CHD4: variants seen among roughly 807,000 people sequenced by gnomAD.
The protein encoded by CHD4 is ATP-dependent chromatin remodeler CHD4.
CHD4 carries 35 observed loss-of-function variants against 235.5 expected under a neutral mutation model. That is an observed-to-expected ratio of 0.15 (90% confidence interval 0.11 to 0.20). CHD4 has a LOEUF of 0.20. Among genes scored for constraint, CHD4 ranks in the 10% least tolerant of loss-of-function variants. The pLI is 1.00. For missense variants in CHD4, 1,329 were observed against 2,432.3 expected (o/e 0.55, Z 9.54); for synonymous variants, 900 against 850.2 (o/e 1.06, Z -1.02).
At chr12:6,583,440 G>C (rs1041081630) in intron 25 of CHD4, 62 bp from the exon 26 acceptor site, 92 of 1,424,886 alleles carry the variant, frequency 6.5e-5, no homozygotes, top group Non-Finnish European at 8.7e-5. Context: ...GCTACCCCTG[G>C]TCCTCACAGT....
chr12:6,576,151 GA>G, intron 37 of CHD4, among the ~76,000 whole-genome samples: 1 of 152,114 alleles, frequency 6.6e-6, no homozygotes, highest in South Asian at 2.1e-4. Flanking sequence ...GAGGTCAAGA[GA>G]TCGAGACCAT....
rs1191330689 is a variant in CHD4 at position 6,600,881 on chromosome 12, T to C, written c.927+45A>G. 3.3e-6 allele frequency: 5 copies of C among 1,535,550 alleles called. No homozygotes were observed. The South Asian group carries it at 3.9e-5, about 12-fold the overall frequency. Reference sequence around the variant, plus strand: ...TTCTGATAGAAGGTCACATCCTTTCTATTAGACATGGCACCCTCCCTAAAG... The same window carrying C: ...TTCTGATAGAAGGTCACATCCTTTCCATTAGACATGGCACCCTCCCTAAAG... On this transcript the variant is annotated intron_variant, in intron 7 of 39. Transcript: ENST00000544040.
At chr12:6,606,787 G>A (rs938820864) in intron 1 of CHD4, 48 of 153,354 alleles carry the variant, frequency 3.1e-4, no homozygotes, top group Non-Finnish European at 5.6e-4. Context: ...GCGGCGAGGC[G>A]CTCGGGGACA....
chr12:6,602,315 C>T (rs1948611247), intron 3 of CHD4, 61 bp downstream of exon 3: 9 of 1,608,782 alleles, frequency 5.6e-6, no homozygotes, highest in South Asian at 2.2e-5. Flanking sequence ...AGCCCTTCAA[C>T]CCTTCTCAGA....
At position 6,570,322 on chromosome 12, in the gene CHD4, C is replaced by T. The variant is rs1422834837; in HGVS notation, c.*354G>A. 2 of 309,028 alleles carry T rather than the reference C, an allele frequency of 6.5e-6. No homozygotes were observed. The highest frequency in any genetic ancestry group is 5.9e-5 in the East Asian group (1 of 16,952). The allele number at this position is 309,028 out of a possible 1,614,324, so 19.1% of individuals were successfully genotyped here. A position where few individuals can be genotyped will look rare whatever the true frequency, so the allele number is the denominator to read the frequency against. On this transcript the variant is annotated 3_prime_UTR_variant, in exon 40 of 40. Coordinates refer to ENST00000544040, the MANE Select transcript of CHD4 (RefSeq NM_001273.5). The stretch of plus-strand genomic sequence containing the variant: ...GAAAAGAAAACACAAAATAAACCAA[C>T]AAAATAAAACCAAAAGGAGGAAAAA...
Position 6,598,106 on chromosome 12 carries a change from G to A in CHD4, c.1687-7C>T. 1 of 1,614,030 alleles carries A rather than the reference G, an allele frequency of 6.2e-7. No individual in the cohort carries two copies. The highest frequency in any genetic ancestry group is 8.5e-7 in the Non-Finnish European group (1 of 1,179,994). On this transcript the variant is annotated splice_polypyrimidine_tract_variant and splice_region_variant and intron_variant, in intron 11 of 39. Transcript: ENST00000544040. ...CCTGACAGTGCAGCTCCAGCTTTGA[G>A]CGGAAAGAGAAAATCAGCCACCAAG...
At position 6,581,511 on chromosome 12, in the gene CHD4, T is replaced by C. The variant is rs755755550; in HGVS notation, c.4682-123A>G. 35 of 1,518,820 alleles carry C rather than the reference T, an allele frequency of 2.3e-5. No individual in the cohort carries two copies. In the South Asian group the frequency reaches 3.7e-4, roughly 16 times the overall value. 94.1% of individuals were successfully genotyped at this position (1,518,820 alleles called of 1,614,324 possible). A position where few individuals can be genotyped will look rare whatever the true frequency, so the allele number is the denominator to read the frequency against. ...TGCCTTTAAGAGCCAGCCCTATTCTTAGGACGGCCCTCCTAAACTGAGAGG... is the reference window on the plus strand; with the variant it reads ...TGCCTTTAAGAGCCAGCCCTATTCTCAGGACGGCCCTCCTAAACTGAGAGG... On this transcript the variant is annotated intron_variant, in intron 31 of 39. Transcript: ENST00000544040.
At chr12:6,586,356 G>A (rs1035029204) in intron 25 of CHD4, among the ~76,000 whole-genome samples, 7 of 151,828 alleles carry the variant, frequency 4.6e-5, no homozygotes, top group Non-Finnish European at 7.4e-5. Flanking sequence ...AGCCAAGATC[G>A]CACCACTGCA....
intron 14 of CHD4, 53 bp from the exon 15 acceptor site, chr12:6,594,703 C>T: frequency 6.6e-7 from 1 of 1,515,520 alleles, no homozygotes; most frequent in South Asian, 1.2e-5. Context: ...CCCTCCTCCC[C>T]TAATAGAGCA....
Position 6,570,712 on chromosome 12 carries a change from G to GGAGTC in CHD4, c.5722-24_5722-20dup. ...GGGCTACCTAGAGAAGGAGACCCGA[G>GGAGTC]GAGTCAGAATTCCAGATGATAGGAA... On this transcript the variant is annotated intron_variant, in intron 39 of 39. Transcript: ENST00000544040. 6.2e-7 allele frequency: 1 copy of GGAGTC among 1,614,114 alleles called. No homozygotes were observed. The highest frequency in any genetic ancestry group is 8.5e-7 in the Non-Finnish European group (1 of 1,180,004).
chr12:6,596,891 G>A (rs1217016181), intron 12 of CHD4, among the ~76,000 whole-genome samples: 4 of 150,810 alleles, frequency 2.7e-5, no homozygotes, highest in East Asian at 1.9e-4. Flanking sequence ...CCTGAGAGGC[G>A]GAGGTTGCAG....
At chr12:6,583,657 C>A in intron 25 of CHD4, 1 of 373,238 alleles carries the variant, frequency 2.7e-6, no homozygotes, top group Non-Finnish European at 4.8e-6. Flanking sequence ...TCTTCTAACC[C>A]CTTGCACTGA....
Position 6,592,413 on chromosome 12 carries a change from C to A in CHD4, c.2928G>T (p.Val976=), listed in dbSNP as rs765946884. Residue 976 remains valine (V), a synonymous_variant, in exon 19 of 40, where the codon GTG becomes GTT. Coordinates refer to ENST00000544040, the MANE Select transcript of CHD4 (RefSeq NM_001273.5). ...MPSKTELIVR[V]ELSPMQKKYY... ...CTCACTTCTGCATAGGGCTCAGCTC[C>A]ACACGCACAATTAGTTCTGTCTTGG... 6.3e-7 allele frequency: 1 copy of A among 1,595,300 alleles called. No individual in the cohort carries two copies. Among genetic ancestry groups the A allele is most frequent in the East Asian group, 2.3e-5 (1 of 44,422 alleles).
At position 6,593,391 on chromosome 12, in the gene CHD4, G is replaced by T; in HGVS notation, c.2514+25C>A. 1 of 1,610,630 alleles carries T rather than the reference G, an allele frequency of 6.2e-7. No individual in the cohort carries two copies. Among genetic ancestry groups the T allele is most frequent in the Non-Finnish European group, 8.5e-7 (1 of 1,177,226 alleles). On this transcript the variant is annotated intron_variant, in intron 16 of 39. Transcript: ENST00000544040. This position sits in a 1 kb window ranked among gnomAD's most constrained non-coding sequence, Gnocchi z 4.9. ...GCCAGAAGCCACAACTCTTTCTCTA[G>T]GGTGGCTTCCCTCCCCTGAGATACC...
At chr12:6,577,000 G>T (rs1481150725) in intron 37 of CHD4, among the ~76,000 whole-genome samples, 7 of 151,520 alleles carry the variant, frequency 4.6e-5, no homozygotes, top group African/African-American at 1.5e-4. Context: ...GCCGTAGCAC[G>T]ATCTCAGCTC....
intron 22 of CHD4, among the ~76,000 whole-genome samples, chr12:6,589,407 GA>G (rs1237542872): frequency 2.6e-5 from 4 of 152,138 alleles, no homozygotes; most frequent in African/African-American, 4.8e-5. Context: ...CTTAACCAGT[GA>G]TCAAGTCATT....
In CHD4 at chr12:6,598,430, G is replaced by C. The variant is rs139702202; in HGVS notation, c.1483-5C>G. ...TTTGCCCTTCAGAGCTGGACACTGA[G>C]AGAAAAAGAGACAACTTAATCTCAA... On this transcript the variant is annotated splice_polypyrimidine_tract_variant and splice_region_variant and intron_variant, in intron 10 of 39. Transcript: ENST00000544040. 7 of 1,579,938 alleles carry C rather than the reference G, an allele frequency of 4.4e-6. No homozygotes were observed. The East Asian group carries it at 1.4e-4, about 31-fold the overall frequency.
In CHD4 at chr12:6,601,414, G is replaced by A. The variant is rs1948590082; in HGVS notation, c.674C>T (p.Ser225Leu). The A allele has an allele frequency of 1.2e-6, 2 of 1,614,154 alleles. No individual in the cohort carries two copies. Among genetic ancestry groups the A allele is most frequent in the South Asian group, 1.1e-5 (1 of 91,086 alleles). The change falls in exon 6 of 40, where the codon TCA becomes TTA. Residue 225 changes from serine (S) to leucine (L), a missense_variant. Ser to Leu is a moderately radical substitution (Grantham distance 145, BLOSUM62 -2). Transcript: ENST00000544040. ...NNPFKGSSGA[S>L]VAAAAAAAVA... ...CGCTGCTGCTGCCGCAGCTGCCACTGATGCCCCAGAACTGCCTTTGAAGGG... is the reference window on the plus strand; with the variant it reads ...CGCTGCTGCTGCCGCAGCTGCCACTAATGCCCCAGAACTGCCTTTGAAGGG...
Position 6,583,239 on chromosome 12 carries a change from C to T in CHD4, c.4019G>A (p.Arg1340His), listed in dbSNP as rs1948226283. The change falls in exon 26 of 40, where the codon CGT becomes CAT. Residue 1340 changes from arginine to histidine, a missense_variant. Coordinates refer to ENST00000544040, the MANE Select transcript of CHD4 (RefSeq NM_001273.5). ...GCCATCATTGTAGTTGACCTGTTTA[C>T]GGATTCTTTTTCCTTTGCCCAGATT... ...ARNLGKGKRI[R>H]KQVNYNDGSQ... The T allele has an allele frequency of 6.2e-7, 1 of 1,614,044 alleles. No homozygotes were observed. The highest frequency in any genetic ancestry group is 1.7e-5 in the Admixed American group (1 of 60,000).
Sources: allele counts gnomAD v4.1 joint callset (sites outside exome capture counted in the v4.1 genomes callset), GRCh38; gene constraint gnomAD v4.1.1; non-coding constraint Gnocchi (gnomAD v3.1); transcripts MANE v1.5; gene names NCBI Gene and HGNC (gene_info 2026-07-23, HGNC 2026-07-21).